Variants in PIAS1 observed in about 807,000 individuals in gnomAD.
The protein encoded by PIAS1 is E3 SUMO-protein ligase PIAS1.
Under a neutral mutation model 71.3 loss-of-function variants are expected in PIAS1, and 6 were observed. That is an observed-to-expected ratio of 0.08 (90% CI 0.05 to 0.17). The LOEUF (loss-of-function observed/expected upper bound fraction) is 0.17. Ranked by LOEUF, PIAS1 falls within the 10% of genes least tolerant of loss-of-function variation. The pLI, the probability that PIAS1 is intolerant of heterozygous loss-of-function variation, is 1.00. For synonymous variants in PIAS1, 303 were observed against 292.9 expected (o/e 1.03, Z -0.35); for missense variants, 555 against 793.6 (o/e 0.70, Z 3.61).
At chr15:68,097,082 C>A (rs1247648627) in intron 2 of PIAS1, among the ~76,000 whole-genome samples, 1 of 152,060 alleles carries the variant, frequency 6.6e-6, no homozygotes. Context: ...AGTTTCCTTC[C>A]ATTCCTAGTT....
Position 68,131,480 on chromosome 15 carries a change from T to TAA in PIAS1, c.470-10457_470-10456dup, listed in dbSNP as rs11398417. Among the ~76,000 whole-genome samples, 538 of 150,234 alleles carry TAA rather than the reference T, an allele frequency of 3.6e-3. 3 individuals carry two copies. Among genetic ancestry groups the TAA allele is most frequent in the African/African-American group, 6.6e-3 (270 of 41,096 alleles). The stretch of plus-strand genomic sequence containing the variant: ...ACTGTGTTGTGCAATAAGATCTTAT[T>TAA]AAAAAAAAAACTTATTTCTCCTATC... On this transcript the variant is annotated intron_variant, in intron 2 of 13. Coordinates refer to ENST00000249636, the MANE Select transcript of PIAS1 (RefSeq NM_016166.3).
At chr15:68,160,440 C>T (rs1392464469) in intron 7 of PIAS1, among the ~76,000 whole-genome samples, 3 of 152,080 alleles carry the variant, frequency 2.0e-5, no homozygotes, top group Admixed American at 6.5e-5. Context: ...AATCTATTTC[C>T]GGACGTTATT....
intron 1 of PIAS1, among the ~76,000 whole-genome samples, chr15:68,080,678 T>G (rs926106333): frequency 6.6e-6 from 1 of 152,162 alleles, no homozygotes; most frequent in Non-Finnish European, 1.5e-5. Context: ...ATAAAATACT[T>G]TTGTTGTTGT....
intron 1 of PIAS1, among the ~76,000 whole-genome samples, chr15:68,057,001 T>A (rs190797040): frequency 2.2e-4 from 33 of 152,296 alleles, no homozygotes; most frequent in African/African-American, 7.2e-4. Flanking sequence ...CAGTGACTTT[T>A]CATTATTTTA....
At chr15:68,129,817 A>G (rs1047341861) in intron 2 of PIAS1, among the ~76,000 whole-genome samples, 191 of 150,088 alleles carry the variant, frequency 1.3e-3, no homozygotes, top group African/African-American at 4.4e-3. Flanking sequence ...ACACACACAC[A>G]CACACACACA....
Position 68,086,832 on chromosome 15 carries a change from A to G in PIAS1, c.469+82A>G. ...GGCTTTTACTTTGACCCAGTTTATT[A>G]TTCATAATGAAATTTTCATTTGATA... is the stretch of plus-strand genomic sequence containing the variant. On this transcript the variant is annotated intron_variant, in intron 2 of 13. Transcript: ENST00000249636. This position sits in a 1 kb window ranked among gnomAD's most constrained non-coding sequence, Gnocchi z 7.2. The G allele has an allele frequency of 1.4e-6, 1 of 729,168 alleles. No individual in the cohort carries two copies. The highest frequency in any genetic ancestry group is 2.3e-6 in the Non-Finnish European group (1 of 441,534). 45.2% of individuals were successfully genotyped at this position (729,168 alleles called of 1,614,324 possible).
chr15:68,135,288 A>G (rs776869791), intron 2 of PIAS1, among the ~76,000 whole-genome samples: 10,842 of 11,340 alleles, frequency 0.96, 5,218 homozygotes, highest in Middle Eastern at 1. Context: ...CCGGGCAGAG[A>G]GGCTCCTCAC....
intron 4 of PIAS1, among the ~76,000 whole-genome samples, 188 bp downstream of exon 4, chr15:68,142,525 A>T (rs755972206): frequency 6.6e-6 from 1 of 152,250 alleles, no homozygotes; most frequent in African/African-American, 2.4e-5. Flanking sequence ...TGATTTTTCA[A>T]TAAGTGTATT....
At chr15:68,151,939 A>T (rs113805826) in intron 6 of PIAS1, among the ~76,000 whole-genome samples, 1,560 of 68,470 alleles carry the variant, frequency 0.023, 55 homozygotes, top group African/African-American at 0.083. Flanking sequence ...AAATTTAGGA[A>T]TTTTTTTTTT....
rs1403158397 is a variant in PIAS1, at chr15:68,186,986, T to C, written c.1663-556T>C. On this transcript the variant is annotated intron_variant, in intron 13 of 13. Transcript: ENST00000249636. This position sits in a 1 kb window ranked among gnomAD's most constrained non-coding sequence, Gnocchi z 4.4. ...AGCGACGCATGACTGTATTTAAAAG[T>C]ATAATGTGTAGCCAAGAGAAAGATA... Among the ~76,000 whole-genome samples, 1 of 152,268 alleles carries C rather than the reference T, an allele frequency of 6.6e-6. No individual in the cohort carries two copies. Among genetic ancestry groups the C allele is most frequent in the Non-Finnish European group, 1.5e-5 (1 of 68,046 alleles).
chr15:68,101,165 G>A (rs1045648966), intron 2 of PIAS1, among the ~76,000 whole-genome samples: 2 of 152,090 alleles, frequency 1.3e-5, no homozygotes, highest in African/African-American at 4.8e-5. Context: ...CTCCCAAAGT[G>A]CTAGGATTAC....
At chr15:68,134,756 G>A (rs1273108630) in intron 2 of PIAS1, among the ~76,000 whole-genome samples, 1 of 41,846 alleles carries the variant, frequency 2.4e-5, no homozygotes. Flanking sequence ...GCGGCTGGCC[G>A]GGCAGAGGGG....
chr15:68,135,055 G>T (rs1300962911), intron 2 of PIAS1, among the ~76,000 whole-genome samples: 5 of 34,332 alleles, frequency 1.5e-4, no homozygotes, highest in Admixed American at 1.2e-3. Flanking sequence ...GGGCAGAGGC[G>T]CCCCTCACCT....
intron 2 of PIAS1, among the ~76,000 whole-genome samples, chr15:68,134,958 G>T (rs1195992294): frequency 9.8e-5 from 5 of 50,862 alleles, no homozygotes; most frequent in Admixed American, 4.9e-4. Context: ...GGGGCGGCCG[G>T]CCGGGGGGGC....
In PIAS1 at chr15:68,152,469, C is replaced by G. The variant is rs146713687; in HGVS notation, c.829-1121C>G. 7.3e-3 allele frequency among the ~76,000 whole-genome samples: 1,118 copies of G among 152,200 alleles called. 6 individuals carry two copies. Among genetic ancestry groups the G allele is most frequent in the Non-Finnish European group, 0.011 (742 of 67,984 alleles). Reference sequence around the variant, plus strand: ...GCATTAAGTTCCATGTCTTAATATTCCCACCCTTTCCCTTTGGTTTCTAGT... The same window carrying G: ...GCATTAAGTTCCATGTCTTAATATTGCCACCCTTTCCCTTTGGTTTCTAGT... On this transcript the variant is annotated intron_variant, in intron 6 of 13. Transcript: ENST00000249636.
chr15:68,101,014 C>G (rs1034395439), intron 2 of PIAS1, among the ~76,000 whole-genome samples: 1 of 151,714 alleles, frequency 6.6e-6, no homozygotes, highest in Non-Finnish European at 1.5e-5. Context: ...TCCCGCCTCT[C>G]AAGCCTCCCA....
At chr15:68,060,833 G>A (rs2091950630) in intron 1 of PIAS1, among the ~76,000 whole-genome samples, 2 of 152,110 alleles carry the variant, frequency 1.3e-5, no homozygotes, top group South Asian at 2.1e-4. Context: ...ACAGGCATGC[G>A]CCACTGCGCC....
intron 4 of PIAS1, among the ~76,000 whole-genome samples, chr15:68,144,931 T>C (rs1289388999): frequency 6.6e-6 from 1 of 151,848 alleles, no homozygotes; most frequent in African/African-American, 2.4e-5. Flanking sequence ...TTGAGAGGAG[T>C]TGTTGGCACA....
chr15:68,096,908 T>TTG (rs904354118), intron 2 of PIAS1, among the ~76,000 whole-genome samples: 7 of 152,280 alleles, frequency 4.6e-5, no homozygotes, highest in East Asian at 3.9e-4. Flanking sequence ...TTTCATTTTT[T>TTG]TGTGTGTGTG....
Sources: allele counts gnomAD v4.1 joint callset (sites outside exome capture counted in the v4.1 genomes callset), GRCh38; gene constraint gnomAD v4.1.1; non-coding constraint Gnocchi (gnomAD v3.1); transcripts MANE v1.5; gene names NCBI Gene and HGNC (gene_info 2026-07-23, HGNC 2026-07-21).